Variants in FOXN3 observed in about 807,000 individuals in gnomAD.
FOXN3 encodes forkhead box N3, also known as forkhead box protein N3.
FOXN3 carries 7 observed loss-of-function variants against 38.4 expected under a neutral mutation model. That is an observed-to-expected ratio of 0.18 (90% CI 0.10 to 0.34). FOXN3 has a LOEUF of 0.34. Among genes scored for constraint, FOXN3 ranks in the 10% least tolerant of loss-of-function variants. FOXN3 has a pLI of 1.00. For synonymous variants in FOXN3, 230 were observed against 242.2 expected (o/e 0.95, Z 0.47); for missense variants, 456 against 613.4 (o/e 0.74, Z 2.71).
chr14:89,224,452 A>G (rs1180193397), intron 4 of FOXN3, among the ~76,000 whole-genome samples: 1 of 152,222 alleles, frequency 6.6e-6, no homozygotes, highest in East Asian at 1.9e-4. Flanking sequence ...ATTAATTTCA[A>G]AGAGTAAATA....
chr14:89,193,191 G>A (rs1397049358), intron 4 of FOXN3, among the ~76,000 whole-genome samples: 4 of 152,060 alleles, frequency 2.6e-5, no homozygotes, highest in African/African-American at 9.7e-5. Flanking sequence ...GCCTCCGCAG[G>A]TGACTCGTAC....
intron 3 of FOXN3, among the ~76,000 whole-genome samples, chr14:89,327,128 T>A (rs1451078461): frequency 6.6e-6 from 1 of 152,072 alleles, no homozygotes; most frequent in Non-Finnish European, 1.5e-5. Flanking sequence ...TTGCCAAGTA[T>A]CATCTAGGTG....
Position 89,311,654 on chromosome 14 carries a change from G to A in FOXN3, c.681-30640C>T, listed in dbSNP as rs139464097. ...ATCCTGGCTAACCGGATGAAACCCC[G>A]TCTCTATTAAAAATACAAAAAATTA... On this transcript the variant is annotated intron_variant, in intron 3 of 5. Transcript: ENST00000557258. 8.8e-3 allele frequency among the ~76,000 whole-genome samples: 1,326 copies of A among 150,766 alleles called. 13 individuals carry two copies. Among genetic ancestry groups the A allele is most frequent in the African/African-American group, 0.031 (1,262 of 40,950 alleles).
chr14:89,594,260 T>C (rs1415353108), intron 1 of FOXN3, among the ~76,000 whole-genome samples: 4 of 152,248 alleles, frequency 2.6e-5, no homozygotes, highest in Non-Finnish European at 4.4e-5. Context: ...AATACGCATA[T>C]GTTCATCTTT....
intron 3 of FOXN3, among the ~76,000 whole-genome samples, chr14:89,285,863 ATTTT>A (rs34767285): frequency 6.9e-6 from 1 of 145,976 alleles, no homozygotes; most frequent in Non-Finnish European, 1.5e-5. Flanking sequence ...TTTACCAAAA[ATTTT>A]TTTTTTTTTT....
intron 1 of FOXN3, among the ~76,000 whole-genome samples, chr14:89,508,890 T>C (rs1330533328): frequency 6.6e-6 from 1 of 152,174 alleles, no homozygotes; most frequent in African/African-American, 2.4e-5. Context: ...ATTTTAGGCC[T>C]TTCCTGCCTT....
intron 1 of FOXN3, among the ~76,000 whole-genome samples, chr14:89,455,339 C>T (rs907719321): frequency 2.0e-5 from 3 of 152,186 alleles, no homozygotes; most frequent in Non-Finnish European, 2.9e-5. Context: ...AAGGGAAAAC[C>T]GTCAAAGGGT....
intron 2 of FOXN3, among the ~76,000 whole-genome samples, chr14:89,363,957 T>TATATATATATATATATATATA (rs1890000101): frequency 6.6e-4 from 3 of 4,562 alleles, no homozygotes; most frequent in East Asian, 0.048. Context: ...AATATATATA[T>TATATATATATATATATATATA]ATATATATAT....
intron 3 of FOXN3, among the ~76,000 whole-genome samples, chr14:89,297,937 A>C (rs1368841197): frequency 6.6e-6 from 1 of 152,210 alleles, no homozygotes; most frequent in Non-Finnish European, 1.5e-5. Flanking sequence ...GTGAGCTATA[A>C]TCATGCTACT....
intron 1 of FOXN3, among the ~76,000 whole-genome samples, chr14:89,601,488 C>A (rs1167155865): frequency 6.6e-6 from 1 of 152,130 alleles, no homozygotes; most frequent in Admixed American, 6.5e-5. Context: ...ATGCCATTGT[C>A]ATTTAAGACC....
chr14:89,250,189 T>C (rs1242774514), intron 4 of FOXN3, among the ~76,000 whole-genome samples: 1 of 152,222 alleles, frequency 6.6e-6, no homozygotes, highest in Non-Finnish European at 1.5e-5. Context: ...CAGCTCACTG[T>C]AGCCTTGACT....
chr14:89,394,901 C>A (rs1891062871), intron 2 of FOXN3, among the ~76,000 whole-genome samples: 1 of 152,218 alleles, frequency 6.6e-6, no homozygotes, highest in Admixed American at 6.5e-5. Context: ...ACTAAGGGAT[C>A]TCCTAGAATT....
intron 1 of FOXN3, among the ~76,000 whole-genome samples, chr14:89,555,881 G>GTGTGTGT (rs374731979): frequency 8.7e-6 from 1 of 115,462 alleles, no homozygotes; most frequent in Admixed American, 9.4e-5. Context: ...GTGTGTATGT[G>GTGTGTGT]GGGGTGTATG....
At chr14:89,301,485 T>A (rs913242511) in intron 3 of FOXN3, among the ~76,000 whole-genome samples, 1 of 149,820 alleles carries the variant, frequency 6.7e-6, no homozygotes, top group Admixed American at 6.6e-5. Context: ...TAAAAAAAAA[T>A]GTGGTGGGGC....
intron 2 of FOXN3, among the ~76,000 whole-genome samples, chr14:89,375,653 C>T: frequency 6.6e-6 from 1 of 152,092 alleles, no homozygotes; most frequent in East Asian, 1.9e-4. Flanking sequence ...TCAAAGATTG[C>T]TAAGAAAAAA....
At chr14:89,258,031 G>C (rs61983087) in intron 4 of FOXN3, among the ~76,000 whole-genome samples, 21,300 of 152,074 alleles carry the variant, frequency 0.14, 1,865 homozygotes, top group Middle Eastern at 0.2. Flanking sequence ...ACATCATAAA[G>C]AATGAAACTG....
At chr14:89,492,221 G>T (rs1483173516) in intron 1 of FOXN3, among the ~76,000 whole-genome samples, 4 of 152,134 alleles carry the variant, frequency 2.6e-5, no homozygotes, top group Non-Finnish European at 5.9e-5. Flanking sequence ...AATGCTATTT[G>T]GTCCCCTCAG....
At chr14:89,242,450 A>G (rs1038678795) in intron 4 of FOXN3, among the ~76,000 whole-genome samples, 1 of 152,174 alleles carries the variant, frequency 6.6e-6, no homozygotes, top group Non-Finnish European at 1.5e-5. Flanking sequence ...GGCACTTTCC[A>G]TTCTGAGACA....
chr14:89,524,441 C>CAAAAAAAA (rs1894394896), intron 1 of FOXN3, among the ~76,000 whole-genome samples: 1 of 111,578 alleles, frequency 9.0e-6, no homozygotes, highest in Non-Finnish European at 2.0e-5. Flanking sequence ...CAAATAAAAT[C>CAAAAAAAA]CAAAGCAGGC....
Sources: gnomAD v4.1 joint callset for allele counts (sites outside exome capture counted in the v4.1 genomes callset) on GRCh38, gnomAD v4.1.1 for gene constraint, MANE v1.5 for transcripts, NCBI Gene and HGNC (gene_info 2026-07-23, HGNC 2026-07-21) for gene names.